TRIM49C: variants seen among roughly 807,000 people sequenced by gnomAD.
TRIM49C encodes the protein tripartite motif-containing protein 49C.
In TRIM49C, 6 loss-of-function variants were observed where a neutral mutation model predicts 21.4. The observed-to-expected ratio is 0.28, with a 90% confidence interval of 0.15 to 0.55. The LOEUF (loss-of-function observed/expected upper bound fraction) is 0.55, where lower values mean the gene tolerates loss of function less well. Ranked by LOEUF, TRIM49C falls within the 20% of genes least tolerant of loss-of-function variation. The pLI, the probability that TRIM49C is intolerant of heterozygous loss-of-function variation, is 0.94. For synonymous variants in TRIM49C, 57 were observed against 148.1 expected, an observed-to-expected ratio of 0.38 and a Z score of 4.47; for missense variants, 161 against 442.4, an observed-to-expected ratio of 0.36 and a Z score of 5.71.
the TRIM49C span, among the ~76,000 whole-genome samples, chr11:90,056,431 C>G: frequency 9.8e-6 from 1 of 102,376 alleles, no homozygotes; most frequent in Non-Finnish European, 2.0e-5. Flanking sequence ...GAACCTTCAT[C>G]TTTCAAAGGT....
rs570208 is a variant in TRIM49C, at chr11:90,041,338, A to G, written c.1147A>G (p.Ile383Val). The G allele has an allele frequency of 1.3e-4, 200 of 1,589,744 alleles. 22 individuals carry two copies. Among genetic ancestry groups the G allele is most frequent in the East Asian group, 1.8e-4 (8 of 44,100 alleles). ...GGAGGGACTCTTTCTTCTTGGGTGT[A>G]TTAAGAATGACATTCAATGCAGTCT... is the stretch of plus-strand genomic sequence containing the variant. ...GKEGLFLLGC[I>V]KNDIQCSLFT... Residue 383 changes from isoleucine (I) to valine (V), a missense_variant, in exon 8 of 8, where the codon ATT (isoleucine) becomes GTT (valine). Around this residue, in one of 3 missense-constraint regions of TRIM49C, gnomAD observed 63 missense variants for 67.6 expected, o/e 0.93. Transcript: ENST00000448984.
intron 6 of TRIM49C, among the ~76,000 whole-genome samples, chr11:90,039,456 T>C (rs1342281628): frequency 3.8e-5 from 5 of 129,968 alleles, no homozygotes; most frequent in Non-Finnish European, 8.1e-5. Flanking sequence ...GGAAGTTCTT[T>C]GCTAAAAGGG....
chr11:90,036,653 G>A (rs1245749811), intron 4 of TRIM49C, among the ~76,000 whole-genome samples: 1 of 138,078 alleles, frequency 7.2e-6, no homozygotes, highest in East Asian at 2.2e-4. Flanking sequence ...TATTTTGAGG[G>A]TATGATAGCT....
At chr11:90,034,714 G>C (rs12276214) in intron 2 of TRIM49C, among the ~76,000 whole-genome samples, 2 of 131,348 alleles carry the variant, frequency 1.5e-5, no homozygotes, top group Non-Finnish European at 3.2e-5. Flanking sequence ...ATAAACTTGT[G>C]CCATGGTGGT....
At chr11:90,070,952 C>A in the TRIM49C span, among the ~76,000 whole-genome samples, 1 of 139,908 alleles carries the variant, frequency 7.1e-6, no homozygotes, top group Admixed American at 8.2e-5. Context: ...CACCACCACA[C>A]CTGGCTAATT....
At chr11:90,066,375 T>A in the TRIM49C span, among the ~76,000 whole-genome samples, 1 of 137,074 alleles carries the variant, frequency 7.3e-6, no homozygotes, top group East Asian at 2.3e-4. Context: ...TAGTTGCTTA[T>A]GTGCCTAGCC....
At position 90,041,322 on chromosome 11, in the gene TRIM49C, C is replaced by T; in HGVS notation, c.1131C>T (p.Leu377=). Residue 377 remains leucine (L), a synonymous_variant, in exon 8 of 8, where the codon CTC becomes CTT. Coordinates refer to ENST00000448984, the MANE Select transcript of TRIM49C (RefSeq NM_001195234.1). ...QNEKIDGKEG[L]FLLGCIKNDI... ...AGAAGATAGATGGAAAGGAGGGACT[C>T]TTTCTTCTTGGGTGTATTAAGAATG... 1 of 1,590,236 alleles carries T rather than the reference C, an allele frequency of 6.3e-7. No individual in the cohort carries two copies. Among genetic ancestry groups the T allele is most frequent in the Non-Finnish European group, 8.6e-7 (1 of 1,165,086 alleles).
the TRIM49C span, among the ~76,000 whole-genome samples, chr11:90,048,415 G>T: frequency 5.7e-5 from 7 of 123,138 alleles, 1 homozygote; most frequent in Non-Finnish European, 1.2e-4. Context: ...ATCAGACACA[G>T]ATTTGGTCTT....
the TRIM49C span, among the ~76,000 whole-genome samples, chr11:90,069,458 A>G: frequency 7.6e-6 from 1 of 132,126 alleles, no homozygotes. Flanking sequence ...GACATAGTAT[A>G]GAATATATTT....
chr11:90,062,523 G>A, the TRIM49C span: 125,728 of 1,033,022 alleles, frequency 0.12, 38,625 homozygotes, highest in East Asian at 0.41. Flanking sequence ...CACCATCATT[G>A]TCACAGGCCC....
intron 1 of TRIM49C, among the ~76,000 whole-genome samples, chr11:90,031,986 T>A (rs1208523049): frequency 7.4e-6 from 1 of 135,744 alleles, no homozygotes; most frequent in Non-Finnish European, 1.6e-5. Flanking sequence ...ACAAAAAAAA[T>A]TAGCCAGGTG....
chr11:90,046,367 C>G (rs1041595711), downstream of TRIM49C, among the ~76,000 whole-genome samples: 3 of 126,514 alleles, frequency 2.4e-5, no homozygotes, highest in African/African-American at 9.3e-5. Flanking sequence ...CCAGCTCCTC[C>G]TTGTACCTCT....
At chr11:90,066,877 C>A in the TRIM49C span, among the ~76,000 whole-genome samples, 17 of 138,030 alleles carry the variant, frequency 1.2e-4, 2 homozygotes, top group African/African-American at 4.4e-4. Flanking sequence ...AAGTGATTCT[C>A]CTGCCTCAGC....
the TRIM49C span, among the ~76,000 whole-genome samples, chr11:90,067,882 A>T: frequency 7.3e-6 from 1 of 136,188 alleles, no homozygotes; most frequent in Non-Finnish European, 1.6e-5. Flanking sequence ...TTTCATGTTG[A>T]GTAATCAGAG....
the TRIM49C span, among the ~76,000 whole-genome samples, chr11:90,049,359 G>T: frequency 1.3e-5 from 1 of 77,900 alleles, no homozygotes; most frequent in Non-Finnish European, 2.3e-5. Flanking sequence ...CCCACAGGTG[G>T]AGTCTACAGA....
the TRIM49C span, chr11:90,073,260 G>C: frequency 9.3e-7 from 1 of 1,073,440 alleles, no homozygotes; most frequent in Non-Finnish European, 1.4e-6. Context: ...GTCCGAGTTG[G>C]TGTGTTTCTT....
At chr11:90,045,118 C>G (rs1262150435), downstream of TRIM49C, among the ~76,000 whole-genome samples, 3 of 134,936 alleles carry the variant, frequency 2.2e-5, no homozygotes, top group African/African-American at 8.0e-5. Context: ...GGGCTCTGTT[C>G]TATTCCATTG....
chr11:90,059,794 G>A, the TRIM49C span, among the ~76,000 whole-genome samples: 3 of 143,230 alleles, frequency 2.1e-5, no homozygotes, highest in Non-Finnish European at 3.0e-5. Context: ...TTTTCCTGAG[G>A]TCTTTCCTAG....
the TRIM49C span, chr11:90,062,514 A>T: frequency 1.2e-5 from 14 of 1,133,422 alleles, 2 homozygotes; most frequent in Non-Finnish European, 1.6e-5. Flanking sequence ...CATTCTCATC[A>T]CCATCATTGT....
Sources: allele counts gnomAD v4.1 joint callset (sites outside exome capture counted in the v4.1 genomes callset), GRCh38; gene constraint gnomAD v4.1.1; regional missense constraint gnomAD v4.1.1; transcripts MANE v1.5; gene names NCBI Gene and HGNC (gene_info 2026-07-23, HGNC 2026-07-21).